Variants in CERS6 observed in about 807,000 individuals in gnomAD.
CERS6 encodes LAG1 homolog, ceramide synthase 6.
A neutral mutation model predicts 56.8 loss-of-function variants in CERS6; 26 were observed. The observed-to-expected ratio is 0.46, with a 90% CI of 0.34 to 0.63. The LOEUF (loss-of-function observed/expected upper bound fraction) is 0.63. Ranked by LOEUF, CERS6 falls within the 30% of genes least tolerant of loss-of-function variation. The pLI is 0.01. For missense variants in CERS6, 415 were observed against 467.5 expected (o/e 0.89, Z 1.04); for synonymous variants, 164 against 173.3 (o/e 0.95, Z 0.42).
intron 8 of CERS6, among the ~76,000 whole-genome samples, chr2:168,750,484 T>A (rs10193125): frequency 0.065 from 9,892 of 152,252 alleles, 864 homozygotes; most frequent in African/African-American, 0.2. Flanking sequence ...TCTTTTTTCT[T>A]TACCAAAGTA....
At chr2:168,477,173 CAGAGAGAGAGAGAGAGAGAGAG>C (rs10609883) in intron 1 of CERS6, among the ~76,000 whole-genome samples, 56 of 115,522 alleles carry the variant, frequency 4.8e-4, no homozygotes, top group African/African-American at 1.6e-3. Flanking sequence ...GAGGGAGAGA[CAGAGAGAGAGAGAGAGAGAGAG>C]AGAGAGAGAG....
chr2:168,468,324 T>C (rs1010680035), intron 1 of CERS6, among the ~76,000 whole-genome samples: 1 of 152,184 alleles, frequency 6.6e-6, no homozygotes. Flanking sequence ...GATAGTTGTT[T>C]ATTGCACGCA....
intron 1 of CERS6, among the ~76,000 whole-genome samples, chr2:168,472,138 T>C (rs998474783): frequency 6.6e-6 from 1 of 152,226 alleles, no homozygotes. Context: ...GCACTCAAAC[T>C]TGCTTAGCAA....
intron 1 of CERS6, among the ~76,000 whole-genome samples, chr2:168,532,944 A>G (rs941721515): frequency 2.0e-5 from 3 of 152,192 alleles, no homozygotes; most frequent in Non-Finnish European, 2.9e-5. Context: ...CTAAATATTC[A>G]TTGAAAGCAT....
intron 1 of CERS6, among the ~76,000 whole-genome samples, chr2:168,534,903 T>A (rs1345954928): frequency 6.6e-6 from 1 of 152,192 alleles, no homozygotes; most frequent in Admixed American, 6.5e-5. Flanking sequence ...AGGAGATCCG[T>A]ATTCTGTCCC....
chr2:168,698,039 C>A (rs939544333), intron 6 of CERS6, among the ~76,000 whole-genome samples: 1 of 151,952 alleles, frequency 6.6e-6, no homozygotes, highest in African/African-American at 2.4e-5. Flanking sequence ...TGGCTGTAAT[C>A]CCAGCACATT....
intron 1 of CERS6, among the ~76,000 whole-genome samples, chr2:168,527,380 C>A (rs1394051697): frequency 6.6e-6 from 1 of 152,108 alleles, no homozygotes; most frequent in Non-Finnish European, 1.5e-5. Context: ...ATTATTATCA[C>A]CCAAAGTCCA....
intron 3 of CERS6, among the ~76,000 whole-genome samples, chr2:168,600,088 C>G (rs919616109): frequency 6.6e-6 from 1 of 152,124 alleles, no homozygotes; most frequent in African/African-American, 2.4e-5. Context: ...GTTTCCCTCC[C>G]CCTTCCTCCT....
intron 1 of CERS6, among the ~76,000 whole-genome samples, chr2:168,521,434 G>A (rs950179024): frequency 6.6e-6 from 1 of 152,160 alleles, no homozygotes; most frequent in Non-Finnish European, 1.5e-5. Flanking sequence ...TTGTCATGAA[G>A]ATTCCATGAG....
At chr2:168,661,451 G>A (rs1183074420) in intron 4 of CERS6, among the ~76,000 whole-genome samples, 5 of 152,156 alleles carry the variant, frequency 3.3e-5, no homozygotes, top group African/African-American at 4.8e-5. Context: ...GGAGCACAGC[G>A]ATTCACATAA....
At chr2:168,566,999 A>G (rs1331188171) in intron 3 of CERS6, among the ~76,000 whole-genome samples, 2 of 152,164 alleles carry the variant, frequency 1.3e-5, no homozygotes, top group African/African-American at 4.8e-5. Flanking sequence ...ATAAGAAACT[A>G]TTATCTTCTA....
chr2:168,736,938 C>G (rs918977058), intron 8 of CERS6, among the ~76,000 whole-genome samples: 2 of 152,164 alleles, frequency 1.3e-5, no homozygotes, highest in African/African-American at 2.4e-5. Flanking sequence ...CGCCTCTGGT[C>G]CCTGTCTGAT....
At chr2:168,510,750 A>G (rs1485286495) in intron 1 of CERS6, among the ~76,000 whole-genome samples, 2 of 152,118 alleles carry the variant, frequency 1.3e-5, no homozygotes, top group East Asian at 1.9e-4. Context: ...CACCATTATC[A>G]TTACTATCAT....
intron 1 of CERS6, among the ~76,000 whole-genome samples, chr2:168,515,472 A>G (rs1694869073): frequency 6.6e-6 from 1 of 152,176 alleles, no homozygotes; most frequent in Admixed American, 6.5e-5. Flanking sequence ...GAACATTTGA[A>G]TTCTCATCAC....
intron 8 of CERS6, among the ~76,000 whole-genome samples, chr2:168,736,812 A>G (rs1683728990): frequency 6.6e-6 from 1 of 152,242 alleles, no homozygotes; most frequent in African/African-American, 2.4e-5. Context: ...CAGCCCTGGC[A>G]TGGCAGGCAG....
intron 4 of CERS6, among the ~76,000 whole-genome samples, chr2:168,675,715 T>C (rs1686041944): frequency 6.6e-6 from 1 of 151,376 alleles, no homozygotes; most frequent in Non-Finnish European, 1.5e-5. Flanking sequence ...TGAGATGGAG[T>C]CTTGCTCTGT....
At chr2:168,739,063 T>TTA (rs1683810780) in intron 8 of CERS6, among the ~76,000 whole-genome samples, 1 of 134,420 alleles carries the variant, frequency 7.4e-6, no homozygotes, top group Admixed American at 7.8e-5. Flanking sequence ...TTTTTTTTTT[T>TTA]TTTTTTTTTT....
intron 2 of CERS6, among the ~76,000 whole-genome samples, chr2:168,556,959 A>G (rs1050985798): frequency 6.9e-6 from 1 of 144,498 alleles, no homozygotes; most frequent in African/African-American, 2.5e-5. Flanking sequence ...GTTTGAGACC[A>G]GCCCAGGCAA....
intron 1 of CERS6, among the ~76,000 whole-genome samples, chr2:168,545,847 T>C (rs1253967944): frequency 6.6e-6 from 1 of 151,770 alleles, no homozygotes; most frequent in Non-Finnish European, 1.5e-5. Context: ...AGGATGATGA[T>C]GACAAAGTCG....
Sources: allele counts gnomAD v4.1 joint callset (sites outside exome capture counted in the v4.1 genomes callset), GRCh38; gene constraint gnomAD v4.1.1; transcripts MANE v1.5; gene names NCBI Gene and HGNC (gene_info 2026-07-23, HGNC 2026-07-21).